Variants in CYP2W1 observed in about 807,000 individuals in gnomAD.
The protein encoded by CYP2W1 is cytochrome P450 family 2 subfamily W member 1.
In CYP2W1, 51 loss-of-function variants were observed where a neutral mutation model predicts 44.9. The observed-to-expected ratio is 1.14, with a 90% CI of 0.91 to 1.43. The LOEUF is 1.43. CYP2W1 is among the 40% of genes most tolerant of loss of function. The pLI, the probability that CYP2W1 is intolerant of heterozygous loss-of-function variation, is 0.00. For synonymous variants in CYP2W1, 383 were observed against 338.3 expected (o/e 1.13, Z -1.45); for missense variants, 746 against 700.0 (o/e 1.07, Z -0.74).
chr7:987,726 G>A (rs1848478140), intron 7 of CYP2W1, among the ~76,000 whole-genome samples, 195 bp downstream of exon 7: 1 of 152,210 alleles, frequency 6.6e-6, no homozygotes, highest in Non-Finnish European at 1.5e-5. Flanking sequence ...ACTTGGCCTG[G>A]CCAGCAGACC....
At chr7:984,636 G>A in intron 2 of CYP2W1, 62 bp downstream of exon 2, 1 of 1,507,708 alleles carries the variant, frequency 6.6e-7, no homozygotes, top group Non-Finnish European at 8.8e-7. Context: ...CCCCAGGAGG[G>A]GTGGGGGCTC....
rs1201768488 is a variant in CYP2W1 at position 987,192 on chromosome 7, C to T, written c.905C>T (p.Ser302Leu). The change falls in exon 6 of 9, where the codon TCG becomes TTG. Residue 302 changes from serine to leucine, a missense_variant. Coordinates refer to ENST00000308919, the MANE Select transcript of CYP2W1 (RefSeq NM_017781.3). ...GTCATGGCCGGGACGGAGACGACCT[C>T]GGCCACGCTGCAGTGGGCCGCACTT... is the stretch of plus-strand genomic sequence containing the variant. ...DMVMAGTETTSATLQWAALLM... is the reference protein window; with the variant it reads ...DMVMAGTETTLATLQWAALLM... The T allele has an allele frequency of 1.3e-5, 20 of 1,553,556 alleles. No homozygotes were observed. Among genetic ancestry groups the T allele is most frequent in the African/African-American group, 6.8e-5 (5 of 73,218 alleles).
At chr7:984,734 C>T (rs1848194263) in intron 2 of CYP2W1, among the ~76,000 whole-genome samples, 160 bp downstream of exon 2, 2 of 152,198 alleles carry the variant, frequency 1.3e-5, no homozygotes, top group African/African-American at 4.8e-5. Context: ...GCCAGGTGTC[C>T]ACACAGCAGG....
rs755676275 is a variant in CYP2W1, at chr7:987,398, G to A, written c.1010G>A (p.Arg337Gln). The A allele has an allele frequency of 2.2e-5, 35 of 1,595,056 alleles. No individual in the cohort carries two copies. The highest frequency in any genetic ancestry group is 2.0e-4 in the East Asian group (9 of 44,692). Residue 337 changes from arginine to glutamine, a missense_variant, in exon 7 of 9, where the codon CGG becomes CAG. By Grantham distance (43) the Arg-to-Gln change is conservative. Coordinates refer to ENST00000308919, the MANE Select transcript of CYP2W1 (RefSeq NM_017781.3). ...GTGCTGGGCCCTGGGCGGACTCCCCGGCTGGAGGACCAGCAGGCTCTGCCC... is the reference window on the plus strand; with the variant it reads ...GTGCTGGGCCCTGGGCGGACTCCCCAGCTGGAGGACCAGCAGGCTCTGCCC... ...DRVLGPGRTP[R>Q]LEDQQALPYT...
chr7:985,279 CTCA>C lies in CYP2W1; in HGVS notation c.604_606del (p.Ile202del). 6.4e-7 allele frequency: 1 copy of C among 1,551,756 alleles called. No homozygotes were observed. Among genetic ancestry groups the C allele is most frequent in the Non-Finnish European group, 8.7e-7 (1 of 1,147,430 alleles). ...CCCCGTGTTTGTGTCCCTGCTGGGT[CTCA>C]TCGATGAGGTCATGGTCCTCTTGGG... On this transcript the variant is annotated inframe_deletion, in exon 4 of 9. Transcript: ENST00000308919.
chr7:984,359 A>AT (rs1848156694), intron 1 of CYP2W1, 53 bp from the exon 2 acceptor site: 2 of 1,531,998 alleles, frequency 1.3e-6, no homozygotes, highest in Non-Finnish European at 1.7e-6. Context: ...AGGGGACCTA[A>AT]GGGGGGTCTT....
intron 7 of CYP2W1, 22 bp from the exon 8 acceptor site, chr7:988,255 T>G: frequency 6.4e-7 from 1 of 1,559,078 alleles, no homozygotes; most frequent in Non-Finnish European, 8.7e-7. Flanking sequence ...CCCCTCTCTC[T>G]GTGCCCCGGC....
At position 984,514 on chromosome 7, in the gene CYP2W1, G is replaced by A. The variant is rs774498436; in HGVS notation, c.277G>A (p.Gly93Arg). 1.9e-5 allele frequency: 29 copies of A among 1,552,756 alleles called. No individual in the cohort carries two copies. The highest frequency in any genetic ancestry group is 8.2e-5 in the African/African-American group (6 of 73,320). The change falls in exon 2 of 9, where the codon GGG (glycine) becomes AGG (arginine). Residue 93 changes from glycine to arginine, a missense_variant. Physicochemically the swap from Gly to Arg is moderately radical, Grantham distance 125. Transcript: ENST00000308919. ...EAVKEALAGP[G>R]QELADRPPIA... ...GGTCAAAGAGGCGCTGGCGGGCCCC[G>A]GGCAGGAGCTGGCCGACCGGCCTCC...
intron 2 of CYP2W1, 28 bp from the exon 3 acceptor site, chr7:984,922 G>A (rs1490282229): frequency 6.4e-7 from 1 of 1,558,820 alleles, no homozygotes; most frequent in African/African-American, 1.4e-5. Context: ...GGGAACCTGG[G>A]CTCACCACGC....
intron 7 of CYP2W1, among the ~76,000 whole-genome samples, chr7:987,845 C>T (rs537213040): frequency 3.4e-5 from 5 of 149,206 alleles, no homozygotes; most frequent in Admixed American, 2.7e-4. Flanking sequence ...CCTCTGTATC[C>T]TGGGGGGGTC....
intron 7 of CYP2W1, among the ~76,000 whole-genome samples, chr7:987,977 TGGGGGGGTCCCCTCTGTGTGTCC>T (rs1848515167): frequency 1.7e-5 from 1 of 59,132 alleles, no homozygotes; most frequent in African/African-American, 1.7e-4. Flanking sequence ...CTGTGTGTCC[TGGGGGGGTCCCCTCTGTGTGTCC>T]TGGGGGGTCC....
chr7:987,612 G>T, intron 7 of CYP2W1, 81 bp downstream of exon 7: 11 of 1,331,878 alleles, frequency 8.3e-6, no homozygotes, highest in Non-Finnish European at 1.1e-5. Flanking sequence ...GGACGGCTGA[G>T]CGTCTGGTGG....
intron 5 of CYP2W1, 52 bp from the exon 6 acceptor site, chr7:987,055 G>T: frequency 6.9e-7 from 1 of 1,447,022 alleles, no homozygotes. Context: ...GGTCTGTGGG[G>T]TGGGGGACAG....
In CYP2W1 at chr7:984,426, C is replaced by G; in HGVS notation, c.189C>G (p.Tyr63Ter). 1 of 1,548,234 alleles carries G rather than the reference C, an allele frequency of 6.5e-7. No homozygotes were observed. Among genetic ancestry groups the G allele is most frequent in the South Asian group, 1.2e-5 (1 of 84,048 alleles). Reference protein sequence around the residue: ...DRSLMELSERYGPVFTVHLGR... With the variant: ...DRSLMELSER ...ATCCCTGCCAGCTCTCAGAACGCTA[C>G]GGGCCGGTGTTCACCGTGCACCTGG... The change falls in exon 2 of 9, where the codon TAC (tyrosine) becomes TAG (stop). Residue 63 changes from tyrosine to a stop codon, truncating the protein, a stop_gained. Transcript: ENST00000308919. LOFTEE classifies it high-confidence loss of function.
chr7:984,847 C>A, intron 2 of CYP2W1, 103 bp from the exon 3 acceptor site: 1 of 1,437,594 alleles, frequency 7.0e-7, no homozygotes, highest in African/African-American at 1.4e-5. Context: ...GAGGGCCCAG[C>A]CAGTCTCGCT....
intron 1 of CYP2W1, 125 bp downstream of exon 1, chr7:983,510 C>G (rs575213414): frequency 2.0e-6 from 2 of 985,674 alleles, no homozygotes; most frequent in Non-Finnish European, 2.7e-6. Flanking sequence ...CAGCGGGGCA[C>G]GCAGGAGGCC....
chr7:984,920 G>C (rs767039974), intron 2 of CYP2W1, 30 bp from the exon 3 acceptor site: 18 of 1,556,838 alleles, frequency 1.2e-5, no homozygotes, highest in Admixed American at 9.0e-5. Context: ...GTGGGAACCT[G>C]GGCTCACCAC....
intron 1 of CYP2W1, among the ~76,000 whole-genome samples, chr7:984,027 G>C (rs1170971846): frequency 6.6e-6 from 1 of 152,162 alleles, no homozygotes; most frequent in Non-Finnish European, 1.5e-5. Flanking sequence ...GCCGAAGACG[G>C]ATCAGGGTCT....
intron 7 of CYP2W1, 83 bp from the exon 8 acceptor site, chr7:988,194 C>A: frequency 1.4e-6 from 2 of 1,445,840 alleles, no homozygotes; most frequent in South Asian, 1.3e-5. Flanking sequence ...GCAGGAGCTA[C>A]ATCCTGGAAT....
Sources: gnomAD v4.1 joint callset for allele counts (sites outside exome capture counted in the v4.1 genomes callset) on GRCh38, gnomAD v4.1.1 for gene constraint, MANE v1.5 for transcripts, NCBI Gene and HGNC (gene_info 2026-07-23, HGNC 2026-07-21) for gene names.